The following NEURL1B variants were observed in gnomAD, a reference collection of about 807,000 sequenced individuals.
The protein encoded by NEURL1B is E3 ubiquitin-protein ligase NEURL1B.
NEURL1B carries 13 observed loss-of-function variants against 37.4 expected under a neutral mutation model. The observed-to-expected ratio is 0.35, with a 90% CI of 0.23 to 0.55. The LOEUF is 0.55. NEURL1B is among the 20% of genes least tolerant of loss of function. The pLI, the probability that NEURL1B is intolerant of heterozygous loss-of-function variation, is 0.89. For missense variants in NEURL1B, 790 were observed against 879.2 expected, an observed-to-expected ratio of 0.90 and a Z score of 1.28; for synonymous variants, 432 against 426.6, an observed-to-expected ratio of 1.01 and a Z score of -0.16.
chr5:172,654,046 A>G, intron 1 of NEURL1B, among the ~76,000 whole-genome samples: 1 of 152,266 alleles, frequency 6.6e-6, no homozygotes, highest in African/African-American at 2.4e-5. Flanking sequence ...AACTTCCTTC[A>G]TGTCTGTGGA....
At chr5:172,682,898 T>C (rs1758386698) in intron 2 of NEURL1B, among the ~76,000 whole-genome samples, 1 of 152,222 alleles carries the variant, frequency 6.6e-6, no homozygotes, top group Admixed American at 6.5e-5. Flanking sequence ...TAGCAGGCAG[T>C]AACCGTACAT....
rs1349536682 is a variant in NEURL1B, at chr5:172,670,034, G to A, written c.281G>A (p.Ser94Asn). The A allele has an allele frequency of 2.7e-6, 4 of 1,503,176 alleles. No homozygotes were observed. In the African/African-American group the frequency reaches 4.3e-5, roughly 16 times the overall value. The allele number at this position is 1,503,176 out of a possible 1,614,324, so 93.1% of individuals were successfully genotyped here. ...CTGGTGGCCGTGCGCCCTGGCTGGA[G>A]CGGCGCGCTGCGCTTCGGCTTCACC... ...LRLVAVRPGW[S>N]GALRFGFTAH... Residue 94 changes from serine to asparagine, a missense_variant, in exon 2 of 5, where the codon AGC becomes AAC. Coordinates refer to ENST00000369800, the MANE Select transcript of NEURL1B (RefSeq NM_001142651.3).
In NEURL1B at chr5:172,670,023, C is replaced by T; in HGVS notation, c.270C>T (p.Arg90=). ...EQVRLRLVAV[R]PGWSGALRFG... The stretch of plus-strand genomic sequence containing the variant: ...TGCGGCTGCGCCTGGTGGCCGTGCG[C>T]CCTGGCTGGAGCGGCGCGCTGCGCT... The change falls in exon 2 of 5, where the codon CGC becomes CGT. Residue 90 remains arginine, a synonymous_variant. Transcript: ENST00000369800. 1 of 1,497,410 alleles carries T rather than the reference C, an allele frequency of 6.7e-7. No individual in the cohort carries two copies. 92.8% of individuals were successfully genotyped at this position (1,497,410 alleles called of 1,614,324 possible). A position where few individuals can be genotyped will look rare whatever the true frequency, so the allele number is the denominator to read the frequency against.
At chr5:172,648,260 C>T (rs935376272) in intron 1 of NEURL1B, among the ~76,000 whole-genome samples, 1 of 152,232 alleles carries the variant, frequency 6.6e-6, no homozygotes, top group African/African-American at 2.4e-5. Context: ...AAGTGTCCAG[C>T]AGGTACTAAG....
intron 2 of NEURL1B, among the ~76,000 whole-genome samples, chr5:172,677,558 G>T (rs1758254116): frequency 6.6e-6 from 1 of 152,218 alleles, no homozygotes; most frequent in Non-Finnish European, 1.5e-5. Context: ...ATCTGGAAAA[G>T]CACGAGGTCA....
intron 2 of NEURL1B, among the ~76,000 whole-genome samples, chr5:172,679,356 C>G (rs547002047): frequency 6.6e-6 from 1 of 152,342 alleles, no homozygotes; most frequent in East Asian, 1.9e-4. Context: ...AGGGGACCAT[C>G]AGGGTATGGA....
Position 172,686,996 on chromosome 5 carries a change from A to C in NEURL1B, c.*71A>C. On this transcript the variant is annotated 3_prime_UTR_variant, in exon 5 of 5. Transcript: ENST00000369800. The surrounding 1 kb of genome is among the most constrained non-coding windows in gnomAD (Gnocchi z 7.9). ...AAGGCCCCCTGGGCTGGGCAACCAC[A>C]TGGCTGCCAGGGAGTCCACGGGCAG... 4.8e-6 allele frequency: 7 copies of C among 1,472,780 alleles called. No homozygotes were observed. Among genetic ancestry groups the C allele is most frequent in the Non-Finnish European group, 5.5e-6 (6 of 1,092,954 alleles). 91.2% of individuals were successfully genotyped at this position (1,472,780 alleles called of 1,614,324 possible).
intron 1 of NEURL1B, among the ~76,000 whole-genome samples, chr5:172,663,261 G>A (rs977676828): frequency 6.6e-6 from 1 of 151,932 alleles, no homozygotes; most frequent in Non-Finnish European, 1.5e-5. Flanking sequence ...AGTGGCTCAC[G>A]CCTGCAATCC....
intron 1 of NEURL1B, among the ~76,000 whole-genome samples, chr5:172,650,872 G>A (rs1286396149): frequency 2.6e-5 from 4 of 152,158 alleles, no homozygotes; most frequent in African/African-American, 9.7e-5. Context: ...AGAATGATGG[G>A]GTGAGTGCTT....
intron 1 of NEURL1B, among the ~76,000 whole-genome samples, chr5:172,645,668 G>A (rs1429209636): frequency 6.6e-6 from 1 of 152,088 alleles, no homozygotes; most frequent in Non-Finnish European, 1.5e-5. Context: ...TGCTTGTCTT[G>A]TCCCATCTTC....
At chr5:172,648,884 TC>T (rs2113260145) in intron 1 of NEURL1B, among the ~76,000 whole-genome samples, 1 of 152,194 alleles carries the variant, frequency 6.6e-6, no homozygotes, top group African/African-American at 2.4e-5. Flanking sequence ...GATCTCCAAC[TC>T]CCTGCCCAGG....
At chr5:172,674,431 G>C (rs1445655852) in intron 2 of NEURL1B, among the ~76,000 whole-genome samples, 1 of 152,158 alleles carries the variant, frequency 6.6e-6, no homozygotes, top group Non-Finnish European at 1.5e-5. Flanking sequence ...AAAGAATCCA[G>C]AGTCCCGAGA....
intron 1 of NEURL1B, among the ~76,000 whole-genome samples, chr5:172,660,650 A>T (rs1018703860): frequency 9.2e-5 from 14 of 151,546 alleles, no homozygotes; most frequent in African/African-American, 2.9e-4. Context: ...TTTTCTCTTT[A>T]TTTTTTTTGA....
intron 1 of NEURL1B, chr5:172,662,136 C>G (rs1480890024): frequency 6.5e-6 from 1 of 152,930 alleles, no homozygotes; most frequent in Non-Finnish European, 1.5e-5. Context: ...TTAATGAGCA[C>G]CTACTACATG....
At position 172,675,110 on chromosome 5, in the gene NEURL1B, C is replaced by T. The variant is rs1758207598; in HGVS notation, c.577+4780C>T. ...CAGGTTGGTCTCGAACTCCTGACCT[C>T]AGGTGATCCGCCCGCCTCGGCCTCC... On this transcript the variant is annotated intron_variant, in intron 2 of 4. Coordinates refer to ENST00000369800, the MANE Select transcript of NEURL1B (RefSeq NM_001142651.3). This position sits in a 1 kb window ranked among gnomAD's most constrained non-coding sequence, Gnocchi z 4.7. Among the ~76,000 whole-genome samples, 1 of 152,146 alleles carries T rather than the reference C, an allele frequency of 6.6e-6. No individual in the cohort carries two copies.
intron 1 of NEURL1B, 110 bp from the exon 2 acceptor site, chr5:172,669,675 C>A: frequency 1.2e-6 from 1 of 820,364 alleles, no homozygotes; most frequent in Non-Finnish European, 1.6e-6. Context: ...TATCAGTAAC[C>A]AGTCCTGTTA....
chr5:172,643,728 C>T (rs937799990), intron 1 of NEURL1B, among the ~76,000 whole-genome samples: 1 of 152,176 alleles, frequency 6.6e-6, no homozygotes, highest in Non-Finnish European at 1.5e-5. Flanking sequence ...CAGTCTTGCC[C>T]TGTAGAATCC....
chr5:172,684,920 A>T (rs1758461405), intron 3 of NEURL1B, among the ~76,000 whole-genome samples: 1 of 152,238 alleles, frequency 6.6e-6, no homozygotes, highest in South Asian at 2.1e-4. Flanking sequence ...CATGGCTCAA[A>T]AAGTAGAGTC....
At chr5:172,662,683 C>T (rs148844953) in intron 1 of NEURL1B, among the ~76,000 whole-genome samples, 275 of 152,276 alleles carry the variant, frequency 1.8e-3, no homozygotes, top group African/African-American at 6.4e-3. Context: ...ATCCAGAGCC[C>T]ATGAAGTAAA....
Sources: allele counts gnomAD v4.1 joint callset (sites outside exome capture counted in the v4.1 genomes callset), GRCh38; gene constraint gnomAD v4.1.1; non-coding constraint Gnocchi (gnomAD v3.1); transcripts MANE v1.5; gene names NCBI Gene and HGNC (gene_info 2026-07-23, HGNC 2026-07-21).